PARD3: variants seen among roughly 807,000 people sequenced by gnomAD.
The protein encoded by PARD3 is partitioning defective 3 homolog.
PARD3 carries 75 observed loss-of-function variants against 155.4 expected under a neutral mutation model. The observed-to-expected ratio is 0.48, with a 90% CI of 0.40 to 0.58. The LOEUF (loss-of-function observed/expected upper bound fraction) is 0.58. Ranked by LOEUF, PARD3 falls within the 20% of genes least tolerant of loss-of-function variation. The pLI, the probability that PARD3 is intolerant of heterozygous loss-of-function variation, is 0.00. For synonymous variants in PARD3, 576 were observed against 610.5 expected (o/e 0.94, Z 0.83); for missense variants, 1,642 against 1,721.7 (o/e 0.95, Z 0.82).
At chr10:34,201,364 C>G (rs1389451868) in intron 22 of PARD3, among the ~76,000 whole-genome samples, 1 of 152,190 alleles carries the variant, frequency 6.6e-6, no homozygotes, top group Non-Finnish European at 1.5e-5. Context: ...TGGAAGGGAA[C>G]AGTATTCTCT....
intron 22 of PARD3, among the ~76,000 whole-genome samples, chr10:34,264,630 C>T (rs1208616123): frequency 6.6e-6 from 1 of 152,096 alleles, no homozygotes; most frequent in Admixed American, 6.6e-5. Flanking sequence ...TAGGAAGTCC[C>T]CACTCTAGGT....
At position 34,657,528 on chromosome 10, in the gene PARD3, TTTTG is replaced by T. The variant is rs113292161; in HGVS notation, c.222+38786_222+38789del. On this transcript the variant is annotated intron_variant, in intron 2 of 24. Transcript: ENST00000374788. ...GTCACCTTTCTGCTTCTCAGTTTTG[TTTTG>T]TTTGTTTGTTTGTTTGTTTGTTTTG... Among the ~76,000 whole-genome samples the T allele has an allele frequency of 3.6e-3, 538 of 150,352 alleles. 3 individuals are homozygous for T. The highest frequency in any genetic ancestry group is 3.5e-3 in the Non-Finnish European group (238 of 67,700).
chr10:34,235,416 A>G (rs996316602), intron 22 of PARD3, among the ~76,000 whole-genome samples: 2 of 152,200 alleles, frequency 1.3e-5, no homozygotes, highest in African/African-American at 4.8e-5. Flanking sequence ...AGTCGACCAC[A>G]TTGACTTTTT....
chr10:34,303,345 T>C (rs1378880504), intron 20 of PARD3, among the ~76,000 whole-genome samples: 1 of 151,954 alleles, frequency 6.6e-6, no homozygotes, highest in Non-Finnish European at 1.5e-5. Flanking sequence ...TTGCAGTTGA[T>C]CTAAACTTTA....
intron 22 of PARD3, among the ~76,000 whole-genome samples, chr10:34,186,118 C>T (rs896582184): frequency 1.1e-3 from 167 of 151,800 alleles, no homozygotes; most frequent in African/African-American, 3.7e-3. Context: ...ACCCAAACAA[C>T]GAGCAGGGGG....
At chr10:34,247,928 A>G (rs1383476627) in intron 22 of PARD3, among the ~76,000 whole-genome samples, 1 of 152,224 alleles carries the variant, frequency 6.6e-6, no homozygotes, top group African/African-American at 2.4e-5. Flanking sequence ...AACATCATTC[A>G]AAATAATGTG....
intron 13 of PARD3, 134 bp from the exon 14 acceptor site, chr10:34,359,451 T>G (rs1839229431): frequency 1.6e-6 from 1 of 629,140 alleles, no homozygotes; most frequent in East Asian, 2.8e-5. Context: ...CCTAATGGAT[T>G]ATGCCCAATT....
intron 22 of PARD3, among the ~76,000 whole-genome samples, chr10:34,179,878 G>GGTA (rs1013915546): frequency 1.3e-5 from 2 of 152,002 alleles, no homozygotes; most frequent in African/African-American, 4.8e-5. Context: ...GCAGGTAGCA[G>GGTA]GTGTGCTTTA....
chr10:34,407,104 T>G (rs755489614), intron 5 of PARD3, among the ~76,000 whole-genome samples: 1 of 152,096 alleles, frequency 6.6e-6, no homozygotes, highest in Non-Finnish European at 1.5e-5. Context: ...AGAGCAGACA[T>G]TTAGGGAGAA....
At chr10:34,814,025 A>C (rs945600267) in intron 1 of PARD3, among the ~76,000 whole-genome samples, 4 of 152,202 alleles carry the variant, frequency 2.6e-5, no homozygotes, top group African/African-American at 9.6e-5. Context: ...CCACCAGGAA[A>C]AAGGGAAATC....
At chr10:34,316,447 C>T (rs1958009216) in intron 20 of PARD3, among the ~76,000 whole-genome samples, 1 of 152,144 alleles carries the variant, frequency 6.6e-6, no homozygotes, top group Non-Finnish European at 1.5e-5. Flanking sequence ...AAGAAACAGC[C>T]AGAGACCACA....
chr10:34,300,160 C>T (rs1277459127), intron 20 of PARD3, among the ~76,000 whole-genome samples: 5 of 152,036 alleles, frequency 3.3e-5, no homozygotes, highest in South Asian at 4.1e-4. Context: ...ACACTGTTGC[C>T]CTGAAAAACA....
intron 4 of PARD3, among the ~76,000 whole-genome samples, chr10:34,459,040 A>C (rs910194805): frequency 6.6e-6 from 1 of 152,292 alleles, no homozygotes; most frequent in African/African-American, 2.4e-5. Flanking sequence ...ACACTACACT[A>C]AACATGAGGA....
chr10:34,594,157 C>A (rs946398092), intron 2 of PARD3, among the ~76,000 whole-genome samples: 1 of 152,100 alleles, frequency 6.6e-6, no homozygotes, highest in African/African-American at 2.4e-5. Flanking sequence ...CAATCATATG[C>A]CCTGAGGACA....
In PARD3 at chr10:34,360,191, T is replaced by C. The variant is rs758354298; in HGVS notation, c.1776A>G (p.Pro592=). The change falls in exon 13 of 25, where the codon CCA becomes CCG. Residue 592 remains proline (P), a synonymous_variant. Transcript: ENST00000374788. The part of the protein sequence containing the change: ...GTREFLTFEV[P]LNDSGSAGLG... ...GGCCTGCAGATCCTGAATCATTAAG[T>C]GGGACTTCAAATGTCAGAAATTCCC... is the stretch of plus-strand genomic sequence containing the variant. 6 of 1,613,902 alleles carry C rather than the reference T, an allele frequency of 3.7e-6. No individual in the cohort carries two copies. Among genetic ancestry groups the C allele is most frequent in the Admixed American group, 3.3e-5 (2 of 60,020 alleles).
At chr10:34,274,898 C>A (rs996264406) in intron 21 of PARD3, among the ~76,000 whole-genome samples, 1 of 152,170 alleles carries the variant, frequency 6.6e-6, no homozygotes, top group African/African-American at 2.4e-5. Flanking sequence ...TAAATAATCT[C>A]CCCAAACTTC....
chr10:34,627,427 C>T (rs115417354), intron 2 of PARD3, among the ~76,000 whole-genome samples: 2,988 of 152,234 alleles, frequency 0.02, 91 homozygotes, highest in African/African-American at 0.068. Context: ...ACTTGGAGAT[C>T]GGATCTTTAT....
intron 23 of PARD3, among the ~76,000 whole-genome samples, chr10:34,125,585 C>G (rs987209902): frequency 4.6e-5 from 7 of 152,212 alleles, no homozygotes; most frequent in Admixed American, 2.6e-4. Context: ...TCTAGTGGTA[C>G]AGAGTGGCTG....
intron 14 of PARD3, among the ~76,000 whole-genome samples, chr10:34,358,466 G>A (rs77585329): frequency 1.3e-5 from 2 of 152,102 alleles, no homozygotes; most frequent in Admixed American, 1.3e-4. Context: ...AGAGAAAATG[G>A]GGACTGAGGA....
Sources: allele counts gnomAD v4.1 joint callset (sites outside exome capture counted in the v4.1 genomes callset), GRCh38; gene constraint gnomAD v4.1.1; transcripts MANE v1.5; gene names NCBI Gene and HGNC (gene_info 2026-07-23, HGNC 2026-07-21).